The following PCDHGA4 variants were observed in gnomAD, a reference collection of about 807,000 sequenced individuals.
The protein encoded by PCDHGA4 is protocadherin gamma-A4.
PCDHGA4 carries 38 observed loss-of-function variants against 54.6 expected under a neutral mutation model. The ratio of observed to expected loss-of-function variants is 0.70; its 90% CI spans 0.54 to 0.91. The LOEUF (loss-of-function observed/expected upper bound fraction) is 0.91, where lower values mean the gene tolerates loss of function less well. PCDHGA4 is among the 40% of genes least tolerant of loss of function. The pLI is 0.00. For missense variants in PCDHGA4, 1,298 were observed against 1,220.9 expected, an observed-to-expected ratio of 1.06 and a Z score of -0.94; for synonymous variants, 511 against 512.9, an observed-to-expected ratio of 1.00 and a Z score of 0.05.
In PCDHGA4 at chr5:141,438,090, A is replaced by G. The variant is rs560861677; in HGVS notation, c.2515-56717A>G. 1.2e-4 allele frequency among the ~76,000 whole-genome samples: 18 copies of G among 152,310 alleles called. No individual in the cohort carries two copies. In the South Asian group the frequency reaches 3.5e-3, roughly 30 times the overall value. ...CATACTTAATGGAAAATTACCAGTA[A>G]CAGGGCATACTGTTTAGGATGCATT... On this transcript the variant is annotated intron_variant, in intron 1 of 3. Coordinates refer to ENST00000571252, the MANE Select transcript of PCDHGA4 (RefSeq NM_018917.4).
chr5:141,456,554 G>A (rs1003323522), intron 1 of PCDHGA4, among the ~76,000 whole-genome samples: 2 of 152,202 alleles, frequency 1.3e-5, no homozygotes, highest in Non-Finnish European at 2.9e-5. Flanking sequence ...GCCACTCGGG[G>A]CTGAAGCCCA....
At chr5:141,418,130 G>A in intron 1 of PCDHGA4, 3 of 1,614,106 alleles carry the variant, frequency 1.9e-6, no homozygotes, top group Non-Finnish European at 2.5e-6. Flanking sequence ...GGACCGAATA[G>A]ACCGTGAGCA....
chr5:141,377,890 C>T (rs1204585448), intron 1 of PCDHGA4: 1 of 152,090 alleles, frequency 6.6e-6, no homozygotes, highest in African/African-American at 2.4e-5. Context: ...GATAGGATCC[C>T]CCTCTGTTGC....
At chr5:141,492,168 A>C (rs1426223836) in intron 1 of PCDHGA4, among the ~76,000 whole-genome samples, 1 of 152,108 alleles carries the variant, frequency 6.6e-6, no homozygotes, top group African/African-American at 2.4e-5. Context: ...CTATCCCCGC[A>C]TCACCCAACC....
intron 1 of PCDHGA4, chr5:141,421,454 T>C: frequency 6.2e-7 from 1 of 1,614,132 alleles, no homozygotes; most frequent in Non-Finnish European, 8.5e-7. Flanking sequence ...ACACAGCTTT[T>C]CGCTGTGAAT....
chr5:141,511,265 A>G lies in PCDHGA4; in HGVS notation c.*92A>G. On this transcript the variant is annotated 3_prime_UTR_variant, in exon 4 of 4. Coordinates refer to ENST00000571252, the MANE Select transcript of PCDHGA4 (RefSeq NM_018917.4). ...ACCCAGGCCTCAGAGTTTCAGGGCT[A>G]ACCCCCAGAATACTGGTAGGGGCCA... The G allele has an allele frequency of 6.4e-7, 1 of 1,551,730 alleles. No individual in the cohort carries two copies. Among genetic ancestry groups the G allele is most frequent in the South Asian group, 1.2e-5 (1 of 83,132 alleles).
chr5:141,494,792 C>A lies in PCDHGA4; in HGVS notation c.2515-15C>A. The A allele has an allele frequency of 6.2e-7, 1 of 1,614,132 alleles. No individual in the cohort carries two copies. Among genetic ancestry groups the A allele is most frequent in the East Asian group, 2.2e-5 (1 of 44,878 alleles). Reference sequence around the variant, plus strand: ...TCACGGGTACTCAGCCCCTTTCCCTCTGTTTTCTCCACAGCAAGCCCCGCC... The same window carrying A: ...TCACGGGTACTCAGCCCCTTTCCCTATGTTTTCTCCACAGCAAGCCCCGCC... On this transcript the variant is annotated splice_polypyrimidine_tract_variant and intron_variant, in intron 1 of 3. Transcript: ENST00000571252.
intron 1 of PCDHGA4, chr5:141,359,919 G>C (rs1761361638): frequency 2.3e-6 from 1 of 442,004 alleles, no homozygotes; most frequent in South Asian, 8.5e-5. Flanking sequence ...GCAGTTTCCT[G>C]AGAAAACCTC....
In PCDHGA4 at chr5:141,409,552, A is replaced by C. The variant is rs777125488; in HGVS notation, c.2514+51931A>C. On this transcript the variant is annotated intron_variant, in intron 1 of 3. Transcript: ENST00000571252. ...TCGCTGACATCAACGACAACGCCCC[A>C]GTTTTCGACCAGACGTCCTACGTGG... 9 of 1,613,844 alleles carry C rather than the reference A, an allele frequency of 5.6e-6. No homozygotes were observed. The East Asian group carries it at 1.1e-4, about 20-fold the overall frequency.
chr5:141,394,756 A>G (rs757241753), intron 1 of PCDHGA4: 4 of 1,613,324 alleles, frequency 2.5e-6, no homozygotes, highest in East Asian at 4.5e-5. Flanking sequence ...GCCGTCCAGG[A>G]CCATGGCCAG....
intron 1 of PCDHGA4, chr5:141,471,509 TA>T (rs1211467109): frequency 6.6e-6 from 1 of 152,008 alleles, no homozygotes; most frequent in Non-Finnish European, 1.5e-5. Context: ...AGAGAGGGAG[TA>T]AAAATAACAG....
intron 1 of PCDHGA4, among the ~76,000 whole-genome samples, chr5:141,446,610 G>A (rs1167777615): frequency 6.6e-6 from 1 of 152,098 alleles, no homozygotes; most frequent in Non-Finnish European, 1.5e-5. Flanking sequence ...CTGAGTAGCT[G>A]GGACTACAGG....
intron 1 of PCDHGA4, among the ~76,000 whole-genome samples, chr5:141,363,946 A>T (rs1763122244): frequency 1.3e-5 from 2 of 152,228 alleles, no homozygotes; most frequent in African/African-American, 4.8e-5. Flanking sequence ...AATCATATTG[A>T]TCTCAGGGAT....
intron 1 of PCDHGA4, chr5:141,402,858 G>A: frequency 1.4e-6 from 2 of 1,427,466 alleles, no homozygotes; most frequent in Admixed American, 2.9e-5. Context: ...TTTCTTCTAA[G>A]GAAAAGATCA....
chr5:141,506,847 T>C lies in PCDHGA4; in HGVS notation c.2662+1366T>C, dbSNP rs146737657. ...GAACTGATAGCCCTGCCCTCCAGCA[T>C]GTCTGGAGGACTGGTGGGTAGAGAA... On this transcript the variant is annotated intron_variant, in intron 3 of 3. Coordinates refer to ENST00000571252, the MANE Select transcript of PCDHGA4 (RefSeq NM_018917.4). 3.7e-3 allele frequency among the ~76,000 whole-genome samples: 564 copies of C among 152,318 alleles called. 5 individuals are homozygous for C. Among genetic ancestry groups the C allele is most frequent in the Admixed American group, 0.011 (164 of 15,302 alleles).
intron 1 of PCDHGA4, chr5:141,384,519 G>A (rs769300299): frequency 1.9e-6 from 3 of 1,614,220 alleles, no homozygotes; most frequent in Non-Finnish European, 2.5e-6. Flanking sequence ...GCGGGGACCC[G>A]CCTCTCAGCA....
chr5:141,404,592 C>T, intron 1 of PCDHGA4: 1 of 1,614,048 alleles, frequency 6.2e-7, no homozygotes, highest in African/African-American at 1.3e-5. Flanking sequence ...AGCAATGTGT[C>T]ATTGAGACTG....
At chr5:141,481,077 G>A (rs1251064585) in intron 1 of PCDHGA4, among the ~76,000 whole-genome samples, 5 of 151,906 alleles carry the variant, frequency 3.3e-5, no homozygotes, top group Non-Finnish European at 7.4e-5. Context: ...AAGAAAGAAA[G>A]AAAAAAGAAA....
At chr5:141,394,744 T>C (rs755757019) in intron 1 of PCDHGA4, 1 of 1,613,408 alleles carries the variant, frequency 6.2e-7, no homozygotes, top group Non-Finnish European at 8.5e-7. Flanking sequence ...AGCCTCGTGG[T>C]GGCCGTCCAG....
Sources: allele counts gnomAD v4.1 joint callset (sites outside exome capture counted in the v4.1 genomes callset), GRCh38; gene constraint gnomAD v4.1.1; transcripts MANE v1.5; gene names NCBI Gene and HGNC (gene_info 2026-07-23, HGNC 2026-07-21).